LMBR1: variants seen among roughly 807,000 people sequenced by gnomAD.
LMBR1 encodes the protein limb development membrane protein 1.
LMBR1 carries 52 observed loss-of-function variants against 73.9 expected under a neutral mutation model. The observed-to-expected ratio is 0.70, with a 90% CI of 0.56 to 0.89. LMBR1 has a LOEUF of 0.89. Ranked by LOEUF, LMBR1 falls within the 40% of genes least tolerant of loss-of-function variation. The probability of loss-of-function intolerance (pLI) is 0.00; values close to 1 mark genes in which losing one functional copy is unlikely to be tolerated. For synonymous variants in LMBR1, 215 were observed against 209.4 expected (o/e 1.03, Z -0.23); for missense variants, 539 against 579.8 (o/e 0.93, Z 0.72).
At chr7:156,756,368 G>T (rs755161423) in intron 9 of LMBR1, 25 bp downstream of exon 9, 5 of 1,063,704 alleles carry the variant, frequency 4.7e-6, no homozygotes, top group Non-Finnish European at 7.2e-6. Flanking sequence ...TTTTATCCCC[G>T]TCTAAATATG....
At chr7:156,881,841 A>C (rs1801144654) in intron 1 of LMBR1, among the ~76,000 whole-genome samples, 1 of 152,140 alleles carries the variant, frequency 6.6e-6, no homozygotes, top group Non-Finnish European at 1.5e-5. Context: ...AAGTGTTGAC[A>C]AGGCTGAAGA....
intron 4 of LMBR1, among the ~76,000 whole-genome samples, chr7:156,818,134 T>C (rs1305926308): frequency 1.3e-5 from 2 of 152,222 alleles, no homozygotes; most frequent in African/African-American, 4.8e-5. Context: ...TTAGCATCTA[T>C]TCATAAGTAA....
chr7:156,836,812 C>CCTGATTT lies in LMBR1; in HGVS notation c.133_139dup (p.Asp47GlufsTer4), dbSNP rs1837717946. On this transcript the variant is annotated frameshift_variant and splice_region_variant. Coordinates refer to ENST00000353442, the MANE Select transcript of LMBR1 (RefSeq NM_022458.4). LOFTEE classifies it high-confidence loss of function. ...GTTTTAATTGACATGTTTCCACTTG[C>CCTGATTT]CTGATTTTCTCTTGTATCTTGTGAT... is the stretch of plus-strand genomic sequence containing the variant. 6.4e-7 allele frequency: 1 copy of CCTGATTT among 1,563,754 alleles called. No homozygotes were observed. Among genetic ancestry groups the CCTGATTT allele is most frequent in the African/African-American group, 1.4e-5 (1 of 73,434 alleles).
intron 4 of LMBR1, among the ~76,000 whole-genome samples, chr7:156,799,330 T>C (rs1830558060): frequency 6.6e-6 from 1 of 152,228 alleles, no homozygotes. Flanking sequence ...ATCTGTGCCA[T>C]TTTCCCAATA....
At chr7:156,837,435 A>C (rs1837863004) in intron 1 of LMBR1, among the ~76,000 whole-genome samples, 1 of 151,392 alleles carries the variant, frequency 6.6e-6, no homozygotes, top group Middle Eastern at 3.4e-3. Context: ...CCCAATGGAG[A>C]CTTTTCTTTC....
At chr7:156,689,511 G>C (rs1198149816) in intron 15 of LMBR1, among the ~76,000 whole-genome samples, 1 of 152,112 alleles carries the variant, frequency 6.6e-6, no homozygotes, top group Non-Finnish European at 1.5e-5. Context: ...CTCTACAAAA[G>C]CAGCTTAGAG....
intron 5 of LMBR1, among the ~76,000 whole-genome samples, chr7:156,765,140 C>T (rs1429713250): frequency 4.6e-5 from 7 of 152,204 alleles, no homozygotes; most frequent in Non-Finnish European, 8.8e-5. Flanking sequence ...GTCCTTTGAA[C>T]TTCCACTTCA....
chr7:156,696,977 C>G (rs554123727), intron 15 of LMBR1, among the ~76,000 whole-genome samples: 1 of 152,110 alleles, frequency 6.6e-6, no homozygotes, highest in Non-Finnish European at 1.5e-5. Flanking sequence ...CTAGATACAA[C>G]GGGGATATAT....
In LMBR1 at chr7:156,680,917, A is replaced by T; in HGVS notation, c.*3161T>A. On this transcript the variant is annotated 3_prime_UTR_variant, in exon 17 of 17. Coordinates refer to ENST00000353442, the MANE Select transcript of LMBR1 (RefSeq NM_022458.4). ...ACAACTTTTAATTTCTAAGACATTTAAAAAGTCACACTAAAAGTATCTCAT... is the reference window on the plus strand; with the variant it reads ...ACAACTTTTAATTTCTAAGACATTTTAAAAGTCACACTAAAAGTATCTCAT... The T allele has an allele frequency of 8.2e-6, 2 of 244,634 alleles. No individual in the cohort carries two copies. Among genetic ancestry groups the T allele is most frequent in the Non-Finnish European group, 1.6e-5 (2 of 126,014 alleles). 15.2% of individuals were successfully genotyped at this position (244,634 alleles called of 1,614,324 possible). A position where few individuals can be genotyped will look rare whatever the true frequency, so the allele number is the denominator to read the frequency against.
chr7:156,790,471 T>TG (rs1239925996), intron 5 of LMBR1, among the ~76,000 whole-genome samples: 5 of 152,174 alleles, frequency 3.3e-5, no homozygotes, highest in Admixed American at 3.3e-4. Flanking sequence ...ATTCCAAAGT[T>TG]CACATTTTTT....
chr7:156,891,227 T>C (rs953030449), intron 1 of LMBR1, among the ~76,000 whole-genome samples: 7,618 of 80,126 alleles, frequency 0.095, 512 homozygotes, highest in East Asian at 0.27. Context: ...TATATATATA[T>C]ATATATACAC....
chr7:156,867,671 T>C (rs1798656366), intron 1 of LMBR1, among the ~76,000 whole-genome samples: 1 of 152,244 alleles, frequency 6.6e-6, no homozygotes. Context: ...TAGTACATAT[T>C]ACATGAATCA....
intron 15 of LMBR1, among the ~76,000 whole-genome samples, chr7:156,699,096 G>A (rs1471941887): frequency 6.6e-6 from 1 of 152,154 alleles, no homozygotes; most frequent in Non-Finnish European, 1.5e-5. Context: ...GAAGTTGAAA[G>A]TTCCACAAAT....
At chr7:156,676,522 T>A (rs1563107099), downstream of LMBR1, 1 of 1,614,114 alleles carries the variant, frequency 6.2e-7, no homozygotes, top group Non-Finnish European at 8.5e-7. Flanking sequence ...GAGATGGCCC[T>A]CCTGTCCTGC....
intron 5 of LMBR1, among the ~76,000 whole-genome samples, chr7:156,773,097 C>CAAAAT (rs1241897959): frequency 2.4e-4 from 37 of 151,608 alleles, no homozygotes; most frequent in African/African-American, 7.5e-4. Context: ...AAAAATGAAA[C>CAAAAT]AAAATAAAAT....
At position 156,859,458 on chromosome 7, in the gene LMBR1, A is replaced by C. The variant is rs149104582; in HGVS notation, c.67-22573T>G. Among the ~76,000 whole-genome samples, 263 of 152,318 alleles carry C rather than the reference A, an allele frequency of 1.7e-3. 2 individuals are homozygous for C. Among genetic ancestry groups the C allele is most frequent in the Middle Eastern group, 0.01 (3 of 294 alleles). On this transcript the variant is annotated intron_variant, in intron 1 of 16. Transcript: ENST00000353442. ...ATGATTGTTTATGTAGAAAATCCTA[A>C]TGAATCAACAAAAATTCCTGGCACT...
chr7:156,752,536 CA>C (rs1821099794), intron 9 of LMBR1, among the ~76,000 whole-genome samples: 1 of 152,102 alleles, frequency 6.6e-6, no homozygotes, highest in African/African-American at 2.4e-5. Flanking sequence ...GGCACACAGA[CA>C]ATTCAGCCAC....
chr7:156,816,586 C>T (rs1833954563), intron 4 of LMBR1, among the ~76,000 whole-genome samples: 1 of 151,972 alleles, frequency 6.6e-6, no homozygotes. Flanking sequence ...TAATTAAATG[C>T]AAAATAATAA....
intron 4 of LMBR1, among the ~76,000 whole-genome samples, chr7:156,811,851 C>T (rs994969850): frequency 6.6e-6 from 1 of 152,142 alleles, no homozygotes; most frequent in Admixed American, 6.5e-5. Context: ...ATCAAGGTGT[C>T]AGCAGGACCA....
Sources: gnomAD v4.1 joint callset for allele counts (sites outside exome capture counted in the v4.1 genomes callset) on GRCh38, gnomAD v4.1.1 for gene constraint, MANE v1.5 for transcripts, NCBI Gene and HGNC (gene_info 2026-07-23, HGNC 2026-07-21) for gene names.